Variants in ITCH observed in about 807,000 individuals in gnomAD.
The protein encoded by ITCH is itchy E3 ubiquitin protein ligase, also known as E3 ubiquitin-protein ligase Itchy homolog.
A neutral mutation model predicts 126.8 loss-of-function variants in ITCH; 28 were observed. The ratio of observed to expected loss-of-function variants is 0.22; its 90% CI spans 0.16 to 0.30. ITCH has a LOEUF of 0.30. ITCH is among the 10% of genes least tolerant of loss of function. The probability of loss-of-function intolerance (pLI) is 1.00; values close to 1 mark genes in which losing one functional copy is unlikely to be tolerated. For missense variants in ITCH, 631 were observed against 1,032.4 expected (o/e 0.61, Z 5.33); for synonymous variants, 342 against 340.0 (o/e 1.01, Z -0.06).
chr20:34,379,492 C>T (rs1193332876), intron 2 of ITCH, among the ~76,000 whole-genome samples: 1 of 152,054 alleles, frequency 6.6e-6, no homozygotes, highest in Non-Finnish European at 1.5e-5. Flanking sequence ...TTATCCATTT[C>T]ACCTCCTCCC....
intron 24 of ITCH, among the ~76,000 whole-genome samples, chr20:34,506,806 T>C (rs1990646884): frequency 6.6e-6 from 1 of 152,228 alleles, no homozygotes; most frequent in African/African-American, 2.4e-5. Context: ...ACTTCGTAAG[T>C]GTAGAATCGT....
intron 8 of ITCH, 23 bp downstream of exon 8, chr20:34,438,654 C>G (rs369188706): frequency 1.1e-5 from 18 of 1,612,762 alleles, no homozygotes; most frequent in Non-Finnish European, 8.5e-6. Context: ...GCTCTCAATA[C>G]TCTTGGAAAT....
intron 14 of ITCH, among the ~76,000 whole-genome samples, chr20:34,462,947 T>C (rs1986677666): frequency 6.6e-6 from 1 of 152,236 alleles, no homozygotes; most frequent in African/African-American, 2.4e-5. Context: ...TCATTCCTTA[T>C]TGAAGCTGAA....
rs926973898 is a variant in ITCH, at chr20:34,497,143, C to T, written c.2416+4546C>T. On this transcript the variant is annotated intron_variant, in intron 23 of 24. Coordinates refer to ENST00000374864, the MANE Select transcript of ITCH (RefSeq NM_031483.7). ...TCCTGAGTAGCTGGGATTGCAGGCACGCACCACCACACCTGGCTAGTTTTT... is the reference window on the plus strand; with the variant it reads ...TCCTGAGTAGCTGGGATTGCAGGCATGCACCACCACACCTGGCTAGTTTTT... 7.3e-5 allele frequency among the ~76,000 whole-genome samples: 11 copies of T among 151,716 alleles called. No individual in the cohort carries two copies. In the East Asian group the frequency reaches 1.2e-3, roughly 16 times the overall value.
intron 20 of ITCH, among the ~76,000 whole-genome samples, chr20:34,483,195 C>T (rs905659748): frequency 6.6e-6 from 1 of 152,176 alleles, no homozygotes; most frequent in Non-Finnish European, 1.5e-5. Flanking sequence ...CTGACGTGCC[C>T]TGTAGACATT....
chr20:34,367,212 CG>C (rs1336861679), intron 1 of ITCH, among the ~76,000 whole-genome samples: 1 of 152,068 alleles, frequency 6.6e-6, no homozygotes, highest in African/African-American at 2.4e-5. Flanking sequence ...GAGTCTTGCT[CG>C]GCCATGCAGG....
At chr20:34,405,157 A>AG (rs535749428) in intron 3 of ITCH, among the ~76,000 whole-genome samples, 3,840 of 150,834 alleles carry the variant, frequency 0.025, 64 homozygotes, top group Non-Finnish European at 0.039. Context: ...AAAAAAAAAA[A>AG]AAAAAAAGGT....
At position 34,476,346 on chromosome 20, in the gene ITCH, C is replaced by G. The variant is rs960390707; in HGVS notation, c.1570-1426C>G. 12 of 1,312,736 alleles carry G rather than the reference C, an allele frequency of 9.1e-6. No individual in the cohort carries two copies. The African/African-American group carries it at 1.3e-4, about 14-fold the overall frequency. 81.3% of individuals were successfully genotyped at this position (1,312,736 alleles called of 1,614,324 possible). ...GCCGGCTCGCCTCCGCGCTCCGGCC[C>G]GGTCCCCGGCTCCTCAGCAGGCCGC... On this transcript the variant is annotated intron_variant, in intron 16 of 24. Transcript: ENST00000374864.
At chr20:34,501,173 G>A (rs967662290) in intron 23 of ITCH, among the ~76,000 whole-genome samples, 2 of 152,108 alleles carry the variant, frequency 1.3e-5, no homozygotes, top group African/African-American at 4.8e-5. Context: ...ATTCTTTAAT[G>A]GGATGCTTCT....
At chr20:34,491,652 A>C (rs1989523260) in intron 22 of ITCH, among the ~76,000 whole-genome samples, 1 of 152,212 alleles carries the variant, frequency 6.6e-6, no homozygotes, top group African/African-American at 2.4e-5. Context: ...AAGTAGGATT[A>C]CAATTGTAGG....
In ITCH at chr20:34,380,040, G is replaced by A. The variant is rs537480721; in HGVS notation, c.-22+10570G>A. ...GTCTCCCGAGTAGCTGGAACTACAG[G>A]TGTGTGCCACCACGCCCAGCTAATT... On this transcript the variant is annotated intron_variant, in intron 2 of 24. Coordinates refer to ENST00000374864, the MANE Select transcript of ITCH (RefSeq NM_031483.7). 2.0e-5 allele frequency among the ~76,000 whole-genome samples: 3 copies of A among 152,126 alleles called. No individual in the cohort carries two copies. The South Asian group carries it at 6.2e-4, about 32-fold the overall frequency.
rs6088502 is a variant in ITCH at position 34,449,839 on chromosome 20, A to T, written c.1210+359A>T. On this transcript the variant is annotated intron_variant, in intron 12 of 24. Transcript: ENST00000374864. ...AGAAAGTCAGTCTCAAAAGATCACA[A>T]CCTGTGTGATTCAATTCATATAACA... Among the ~76,000 whole-genome samples, 73,066 of 151,960 alleles carry T rather than the reference A, an allele frequency of 0.48. 17,856 individuals carry two copies. Among genetic ancestry groups the T allele is most frequent in the Middle Eastern group, 0.51 (150 of 294 alleles).
In ITCH at chr20:34,508,870, A is replaced by G. The variant is rs1477704766; in HGVS notation, c.*1076A>G. On this transcript the variant is annotated 3_prime_UTR_variant, in exon 25 of 25. Coordinates refer to ENST00000374864, the MANE Select transcript of ITCH (RefSeq NM_031483.7). ...AAAGACTAGAGTGCTTTCTAGTCCA[A>G]ATAGAGGTCAGTGAAACAGCTTTTG... The G allele has an allele frequency of 6.6e-6, 1 of 152,208 alleles. No individual in the cohort carries two copies. The highest frequency in any genetic ancestry group is 1.5e-5 in the Non-Finnish European group (1 of 68,028). The allele number at this position is 152,208 out of a possible 1,614,324, so 9.4% of individuals were successfully genotyped here.
chr20:34,453,609 G>A (rs564623789), intron 12 of ITCH, among the ~76,000 whole-genome samples: 1 of 151,964 alleles, frequency 6.6e-6, no homozygotes. Flanking sequence ...AACCAAAAGA[G>A]AGAGAAAAAA....
At chr20:34,445,524 T>A in intron 11 of ITCH, 63 bp downstream of exon 11, 2 of 1,526,386 alleles carry the variant, frequency 1.3e-6, no homozygotes, top group Non-Finnish European at 1.8e-6. Flanking sequence ...TTCCAGCATA[T>A]GTCATGGAAA....
intron 7 of ITCH, among the ~76,000 whole-genome samples, chr20:34,426,499 G>C (rs1981541359): frequency 6.6e-6 from 1 of 151,664 alleles, no homozygotes; most frequent in South Asian, 2.1e-4. Flanking sequence ...AGGCTGAAGT[G>C]CAGTGGCGCG....
At chr20:34,474,516 A>T (rs1205427192) in intron 16 of ITCH, among the ~76,000 whole-genome samples, 1 of 152,254 alleles carries the variant, frequency 6.6e-6, no homozygotes, top group East Asian at 1.9e-4. Context: ...AAGGCAGAAG[A>T]ATTATTCTTA....
At chr20:34,425,032 T>C (rs1339689075) in intron 7 of ITCH, among the ~76,000 whole-genome samples, 3 of 152,212 alleles carry the variant, frequency 2.0e-5, no homozygotes, top group Non-Finnish European at 4.4e-5. Context: ...AGTTTGTTAC[T>C]GTGTCTATGT....
chr20:34,425,377 G>A (rs368149941), intron 7 of ITCH, among the ~76,000 whole-genome samples: 3 of 152,208 alleles, frequency 2.0e-5, no homozygotes, highest in South Asian at 2.1e-4. Context: ...ATATGGCCTC[G>A]TGGGAAAGGA....
Sources: gnomAD v4.1 joint callset for allele counts (sites outside exome capture counted in the v4.1 genomes callset) on GRCh38, gnomAD v4.1.1 for gene constraint, MANE v1.5 for transcripts, NCBI Gene and HGNC (gene_info 2026-07-23, HGNC 2026-07-21) for gene names.